The following GATA3 variants were observed in gnomAD, a reference collection of about 807,000 sequenced individuals.
GATA3 encodes GATA binding protein 3.
Under a neutral mutation model 36.0 loss-of-function variants are expected in GATA3, and 6 were observed. The observed-to-expected ratio is 0.17, with a 90% CI of 0.09 to 0.33. The LOEUF (loss-of-function observed/expected upper bound fraction) is 0.33. GATA3 is among the 10% of genes least tolerant of loss of function. The probability of loss-of-function intolerance (pLI) is 1.00; values close to 1 mark genes in which losing one functional copy is unlikely to be tolerated. For synonymous variants in GATA3, 326 were observed against 273.0 expected (o/e 1.19, Z -1.92); for missense variants, 514 against 610.1 (o/e 0.84, Z 1.66).
intron 4 of GATA3, among the ~76,000 whole-genome samples, chr10:8,066,501 CT>C (rs1462068122): frequency 6.6e-6 from 1 of 150,948 alleles, no homozygotes; most frequent in Non-Finnish European, 1.5e-5. Context: ...ACCTAGAACC[CT>C]TTGTTTTCTT....
intron 1 of GATA3, among the ~76,000 whole-genome samples, chr10:8,045,731 C>G (rs1054834770): frequency 1.4e-4 from 21 of 152,050 alleles, no homozygotes; most frequent in Admixed American, 1.4e-3. Context: ...TGTGGATGTC[C>G]TCGTTTGCAG....
At chr10:8,051,802 T>A (rs997821612), upstream of GATA3, among the ~76,000 whole-genome samples, 3 of 151,336 alleles carry the variant, frequency 2.0e-5, no homozygotes, top group African/African-American at 7.3e-5. Context: ...GGCCTGCTCT[T>A]GCCGGCGAGG....
intron 4 of GATA3, among the ~76,000 whole-genome samples, chr10:8,066,563 T>G (rs892760439): frequency 4.6e-5 from 7 of 152,202 alleles, no homozygotes; most frequent in Admixed American, 1.3e-4. Flanking sequence ...GCTATTTTTG[T>G]TTGATACATT....
At chr10:8,049,171 C>A (rs979267298), upstream of GATA3, among the ~76,000 whole-genome samples, 6 of 148,912 alleles carry the variant, frequency 4.0e-5, no homozygotes, top group South Asian at 1.3e-3. Context: ...AAATCACATA[C>A]CATCCCCAAA....
chr10:8,063,993 A>C lies in GATA3; in HGVS notation c.779A>C (p.Glu260Ala). The C allele has an allele frequency of 6.2e-7, 1 of 1,614,162 alleles. No individual in the cohort carries two copies. The highest frequency in any genetic ancestry group is 8.5e-7 in the Non-Finnish European group (1 of 1,180,032). Residue 260 changes from glutamate to alanine, a missense_variant and splice_region_variant, in exon 4 of 6, where the codon GAA (glutamate) becomes GCA (alanine). By Grantham distance (107) the Glu-to-Ala change is moderately radical (BLOSUM62 -1). This residue lies in a region of GATA3 where 44 missense variants were observed against 151.5 expected (regional missense o/e 0.29). Transcript: ENST00000379328. ...KSRPKARSST[E>A]GRECVNCGAT... ...GGCTTATCTGTGCTTTTGTTTCCAGAAGGCAGGGAGTGTGTGAACTGTGGG... is the reference window on the plus strand; with the variant it reads ...GGCTTATCTGTGCTTTTGTTTCCAGCAGGCAGGGAGTGTGTGAACTGTGGG...
rs1486813889 is a variant in GATA3, at chr10:8,055,795, T to A, written c.140T>A (p.Val47Glu). The change falls in exon 2 of 6, where the codon GTG becomes GAG. Residue 47 changes from valine to glutamate, a missense_variant. Val to Glu is a moderately radical substitution (Grantham distance 121). Transcript: ENST00000379328. This position sits in a 1 kb window ranked among gnomAD's most constrained non-coding sequence, Gnocchi z 5.4. Reference sequence around the variant, plus strand: ...GCGCAGTACCCGCTGCCGGAGGAGGTGGATGTGCTTTTTAACATCGACGGT... The same window carrying A: ...GCGCAGTACCCGCTGCCGGAGGAGGAGGATGTGCTTTTTAACATCGACGGT... ...DAAQYPLPEE[V>E]DVLFNIDGQG... is the part of the protein sequence containing the mutation. The A allele has an allele frequency of 1.3e-6, 2 of 1,590,656 alleles. No individual in the cohort carries two copies. Among genetic ancestry groups the A allele is most frequent in the Non-Finnish European group, 1.7e-6 (2 of 1,169,064 alleles).
chr10:8,054,461 C>T (rs796100963), upstream of GATA3, among the ~76,000 whole-genome samples: 45 of 152,208 alleles, frequency 3.0e-4, 1 homozygote, highest in African/African-American at 1.1e-3. The surrounding 1 kb of genome is among the most constrained non-coding windows in gnomAD (Gnocchi z 4.2). Context: ...CCCTGCCCGC[C>T]GCCCCTCCGC....
intron 5 of GATA3, 118 bp from the exon 6 acceptor site, chr10:8,073,621 T>C: frequency 8.6e-7 from 1 of 1,160,364 alleles, no homozygotes; most frequent in Non-Finnish European, 1.2e-6. Context: ...CCAGCTGAAA[T>C]GGAAACAGAT....
chr10:8,064,204 G>C, intron 4 of GATA3, 66 bp downstream of exon 4: 1 of 1,599,610 alleles, frequency 6.3e-7, no homozygotes, highest in Admixed American at 1.7e-5. Flanking sequence ...CTCTCTTCCG[G>C]AAGGACAGCT....
At chr10:8,061,089 C>CTCTCTCTCTCTCTCTCTCTCTCTCTCTT (rs754738004) in intron 3 of GATA3, among the ~76,000 whole-genome samples, 9 of 145,812 alleles carry the variant, frequency 6.2e-5, no homozygotes, top group African/African-American at 1.0e-4. Context: ...CTCTCTCTCT[C>CTCTCTCTCTCTCTCTCTCTCTCTCTCTT]TTTTTTACCC....
Position 8,074,297 on chromosome 10 carries a change from A to C in GATA3, c.*274A>C. On this transcript the variant is annotated 3_prime_UTR_variant, in exon 6 of 6. Coordinates refer to ENST00000379328, the MANE Select transcript of GATA3 (RefSeq NM_001002295.2). ...TGCTGTGAAAAAAAAAATGCTGAAC[A>C]TTGCATATAACTTATATTGTAAGAA... The C allele has an allele frequency of 2.1e-6, 1 of 487,750 alleles. No homozygotes were observed. Among genetic ancestry groups the C allele is most frequent in the Non-Finnish European group, 3.6e-6 (1 of 275,200 alleles). 30.2% of individuals were successfully genotyped at this position (487,750 alleles called of 1,614,324 possible). A position where few individuals can be genotyped will look rare whatever the true frequency, so the allele number is the denominator to read the frequency against.
At chr10:8,049,800 C>A (rs532121392), upstream of GATA3, among the ~76,000 whole-genome samples, 90 of 152,276 alleles carry the variant, frequency 5.9e-4, 1 homozygote, top group African/African-American at 2.1e-3. Context: ...CGGGATCTCT[C>A]CTTTGCCCCT....
At chr10:8,061,096 A>C (rs477771) in intron 3 of GATA3, among the ~76,000 whole-genome samples, 99,029 of 139,142 alleles carry the variant, frequency 0.71, 32,480 homozygotes, top group South Asian at 0.8. Flanking sequence ...TCTCTTTTTT[A>C]CCCCTTTAAC....
chr10:8,073,861 G>A lies in GATA3; in HGVS notation c.1173G>A (p.Ser391=), dbSNP rs150229374. ...DSLEDFPKNS[S]FNPAALSRHM... Reference sequence around the variant, plus strand: ...TGGAGGACTTCCCCAAGAACAGCTCGTTTAACCCGGCCGCCCTCTCCAGAC... The same window carrying A: ...TGGAGGACTTCCCCAAGAACAGCTCATTTAACCCGGCCGCCCTCTCCAGAC... Residue 391 remains serine, a synonymous_variant, in exon 6 of 6, where the codon TCG becomes TCA. Coordinates refer to ENST00000379328, the MANE Select transcript of GATA3 (RefSeq NM_001002295.2). 44 of 1,613,968 alleles carry A rather than the reference G, an allele frequency of 2.7e-5. No homozygotes were observed. Among genetic ancestry groups the A allele is most frequent in the East Asian group, 1.1e-4 (5 of 44,896 alleles).
At chr10:8,058,934 C>T (rs371364728) in intron 3 of GATA3, 93 bp downstream of exon 3, 4 of 1,212,618 alleles carry the variant, frequency 3.3e-6, no homozygotes, top group Admixed American at 2.1e-5. Flanking sequence ...TCAGGGGAGC[C>T]GGGGTGTCCC....
chr10:8,065,455 G>A (rs1439356845), intron 4 of GATA3, among the ~76,000 whole-genome samples: 3 of 151,440 alleles, frequency 2.0e-5, no homozygotes, highest in South Asian at 2.1e-4. Flanking sequence ...ACAGGGTTTC[G>A]CCTTTTTGGC....
In GATA3 at chr10:8,055,029, G is replaced by C. The variant is rs1832599183; in HGVS notation, c.-370+138G>C. 5.6e-6 allele frequency: 1 copy of C among 178,186 alleles called. No individual in the cohort carries two copies. The highest frequency in any genetic ancestry group is 2.4e-5 in the African/African-American group (1 of 42,286). 11.0% of individuals were successfully genotyped at this position (178,186 alleles called of 1,614,324 possible). A position where few individuals can be genotyped will look rare whatever the true frequency, so the allele number is the denominator to read the frequency against. On this transcript the variant is annotated intron_variant, in intron 1 of 5. Coordinates refer to ENST00000379328, the MANE Select transcript of GATA3 (RefSeq NM_001002295.2). The surrounding 1 kb of genome is among the most constrained non-coding windows in gnomAD (Gnocchi z 5.4). Reference sequence around the variant, plus strand: ...GGGCTGAGAGGACGGTCCCGGGACCGGTGTCCCCGAGGGAGGGACTTGCCC... The same window carrying C: ...GGGCTGAGAGGACGGTCCCGGGACCCGTGTCCCCGAGGGAGGGACTTGCCC...
intron 3 of GATA3, among the ~76,000 whole-genome samples, chr10:8,062,629 T>C (rs1832768982): frequency 6.6e-6 from 1 of 152,174 alleles, no homozygotes; most frequent in Admixed American, 6.5e-5. Flanking sequence ...AGCACCCTAC[T>C]GGGTTCTCTT....
intron 1 of GATA3, among the ~76,000 whole-genome samples, chr10:8,048,443 G>T (rs1832418352): frequency 6.6e-6 from 1 of 152,216 alleles, no homozygotes; most frequent in Admixed American, 6.5e-5. Flanking sequence ...TAGCGGTGTG[G>T]CTGAGCGGCC....
Sources: gnomAD v4.1 joint callset for allele counts (sites outside exome capture counted in the v4.1 genomes callset) on GRCh38, gnomAD v4.1.1 for gene constraint, gnomAD v4.1.1 regional missense constraint, Gnocchi (gnomAD v3.1) non-coding constraint, MANE v1.5 for transcripts, NCBI Gene and HGNC (gene_info 2026-07-23, HGNC 2026-07-21) for gene names.